Variants in ZFPM2 observed in about 807,000 individuals in gnomAD.
ZFPM2 encodes zinc finger protein, FOG family member 2, also known as zinc finger protein ZFPM2.
In ZFPM2, 20 loss-of-function variants were observed where a neutral mutation model predicts 98.6. The observed-to-expected ratio is 0.20, with a 90% CI of 0.14 to 0.29. The LOEUF is 0.29. Ranked by LOEUF, ZFPM2 falls within the 10% of genes least tolerant of loss-of-function variation. The pLI is 1.00. For missense variants in ZFPM2, 1,310 were observed against 1,388.6 expected (o/e 0.94, Z 0.90); for synonymous variants, 518 against 502.7 (o/e 1.03, Z -0.41).
chr8:105,435,708 A>G (rs1812106175), intron 2 of ZFPM2, among the ~76,000 whole-genome samples: 1 of 152,210 alleles, frequency 6.6e-6, no homozygotes, highest in South Asian at 2.1e-4. Flanking sequence ...CATTTAAACT[A>G]GGAAGAAGCT....
At chr8:105,630,002 A>G (rs1816727155) in intron 4 of ZFPM2, among the ~76,000 whole-genome samples, 1 of 152,340 alleles carries the variant, frequency 6.6e-6, no homozygotes, top group East Asian at 1.9e-4. Flanking sequence ...AAGGTAGCAT[A>G]TGCACAGGTT....
intron 5 of ZFPM2, among the ~76,000 whole-genome samples, chr8:105,736,473 A>G (rs79316342): frequency 0.048 from 7,241 of 151,988 alleles, 310 homozygotes; most frequent in East Asian, 0.23. Context: ...AAAAATAAAG[A>G]CTTTTTTTCC....
At chr8:105,496,444 G>C (rs1813469251) in intron 3 of ZFPM2, among the ~76,000 whole-genome samples, 1 of 152,042 alleles carries the variant, frequency 6.6e-6, no homozygotes, top group South Asian at 2.1e-4. Flanking sequence ...ATTTGGGTTT[G>C]TTTCTAATAT....
intron 7 of ZFPM2, 52 bp downstream of exon 7, chr8:105,799,000 A>G: frequency 6.9e-7 from 1 of 1,457,092 alleles, no homozygotes; most frequent in Non-Finnish European, 9.5e-7. Context: ...TGTTATTTTT[A>G]TAAATATATA....
intron 1 of ZFPM2, chr8:105,418,834 C>T: frequency 1.9e-6 from 1 of 539,760 alleles, no homozygotes; most frequent in Non-Finnish European, 3.6e-6. Context: ...ATAAAGTGCA[C>T]AGTTTTGCTC....
intron 5 of ZFPM2, among the ~76,000 whole-genome samples, chr8:105,729,993 G>T (rs1034537935): frequency 6.6e-6 from 1 of 151,220 alleles, no homozygotes; most frequent in African/African-American, 2.4e-5. Context: ...TCTTGTTCCT[G>T]CTGTGAGTTT....
At chr8:105,419,704 C>T (rs117835150) in intron 2 of ZFPM2, among the ~76,000 whole-genome samples, 3 of 152,232 alleles carry the variant, frequency 2.0e-5, no homozygotes, top group Non-Finnish European at 2.9e-5. Context: ...AACTAAGGTT[C>T]CATCTCATTC....
intron 5 of ZFPM2, among the ~76,000 whole-genome samples, chr8:105,710,461 A>G (rs1435126447): frequency 1.3e-5 from 2 of 152,108 alleles, no homozygotes; most frequent in Non-Finnish European, 2.9e-5. Flanking sequence ...TTGTAAGCAG[A>G]TGGTGAAAGG....
chr8:105,657,655 G>A (rs1178259606), intron 5 of ZFPM2, among the ~76,000 whole-genome samples: 1 of 152,120 alleles, frequency 6.6e-6, no homozygotes, highest in Non-Finnish European at 1.5e-5. Flanking sequence ...TACTTTATAA[G>A]CAAACCTTGT....
rs558313488 is a variant in ZFPM2, at chr8:105,406,913, A to G, written c.41-12231A>G. On this transcript the variant is annotated intron_variant, in intron 1 of 7. Transcript: ENST00000407775. ...GATGGAACCTGACTACATTTTCATA[A>G]AACTCTTCCATACGTTTTTGAGGCT... Among the ~76,000 whole-genome samples, 30 of 152,018 alleles carry G rather than the reference A, an allele frequency of 2.0e-4. 1 individual carries two copies. Among genetic ancestry groups the G allele is most frequent in the African/African-American group, 7.0e-4 (29 of 41,506 alleles).
At chr8:105,760,583 G>A in intron 5 of ZFPM2, among the ~76,000 whole-genome samples, 1 of 152,028 alleles carries the variant, frequency 6.6e-6, no homozygotes, top group East Asian at 1.9e-4. Flanking sequence ...AGATTATAGT[G>A]TTTAGACCAA....
chr8:105,752,451 T>G (rs1412019945), intron 5 of ZFPM2, among the ~76,000 whole-genome samples: 1 of 152,160 alleles, frequency 6.6e-6, no homozygotes, highest in Non-Finnish European at 1.5e-5. Context: ...GGTGCCCTGC[T>G]GCCAGATCAA....
At chr8:105,562,573 G>GAGAAT (rs1489842737) in intron 4 of ZFPM2, among the ~76,000 whole-genome samples, 1 of 152,014 alleles carries the variant, frequency 6.6e-6, no homozygotes, top group East Asian at 1.9e-4. Context: ...TGCTTTATAG[G>GAGAAT]AGAATCTGTT....
chr8:105,348,206 A>G (rs1053312865), intron 1 of ZFPM2, among the ~76,000 whole-genome samples: 10 of 152,206 alleles, frequency 6.6e-5, no homozygotes, highest in African/African-American at 2.4e-4. Flanking sequence ...ATGGTGACAA[A>G]TAACAGAAAG....
At chr8:105,497,084 C>G (rs1439277640) in intron 3 of ZFPM2, among the ~76,000 whole-genome samples, 85 of 151,648 alleles carry the variant, frequency 5.6e-4, no homozygotes, top group African/African-American at 2.0e-3. Context: ...CTCCAGGGTT[C>G]ACACCATTCT....
chr8:105,724,648 C>G (rs1811762400), intron 5 of ZFPM2, among the ~76,000 whole-genome samples: 1 of 151,818 alleles, frequency 6.6e-6, no homozygotes, highest in Non-Finnish European at 1.5e-5. Context: ...TTATAATTAA[C>G]TGTATGCAGT....
At chr8:105,455,034 C>T (rs1044356615) in intron 3 of ZFPM2, among the ~76,000 whole-genome samples, 1 of 152,108 alleles carries the variant, frequency 6.6e-6, no homozygotes, top group African/African-American at 2.4e-5. Context: ...TTGAGCATCT[C>T]AAATCTGAAA....
Position 105,561,405 on chromosome 8 carries a change from A to C in ZFPM2, c.344A>C (p.Gln115Pro). The C allele has an allele frequency of 6.2e-7, 1 of 1,613,608 alleles. No homozygotes were observed. Among genetic ancestry groups the C allele is most frequent in the Non-Finnish European group, 8.5e-7 (1 of 1,179,658 alleles). Residue 115 changes from glutamine (Q) to proline (P), a missense_variant, in exon 4 of 8, where the codon CAG (glutamine) becomes CCG (proline). Physicochemically the swap from Gln to Pro is moderately conservative, Grantham distance 76. Coordinates refer to ENST00000407775, the MANE Select transcript of ZFPM2 (RefSeq NM_012082.4). ...CAGAAAGATGGGGAACGAAAAATTC[A>C]GAGTCGACAGCAACTTCCAGTGGGA... ...VFQKDGERKI[Q>P]SRQQLPVGTT...
intron 5 of ZFPM2, among the ~76,000 whole-genome samples, chr8:105,735,462 T>G (rs560870661): frequency 1.4e-4 from 21 of 152,012 alleles, no homozygotes; most frequent in Non-Finnish European, 2.4e-4. Context: ...TTTTTATAAT[T>G]TTATTTTAAT....
Sources: allele counts gnomAD v4.1 joint callset (sites outside exome capture counted in the v4.1 genomes callset), GRCh38; gene constraint gnomAD v4.1.1; transcripts MANE v1.5; gene names NCBI Gene and HGNC (gene_info 2026-07-23, HGNC 2026-07-21).